MESP1: variants seen among roughly 807,000 people sequenced by gnomAD.
The protein encoded by MESP1 is mesoderm posterior protein 1.
Under a neutral mutation model 15.2 loss-of-function variants are expected in MESP1, and 22 were observed. That is an observed-to-expected ratio of 1.45 (90% CI 1.04 to 2.07). The LOEUF (loss-of-function observed/expected upper bound fraction) is 2.07. MESP1 is among the 30% of genes most tolerant of loss of function. The probability of loss-of-function intolerance (pLI) is 0.00; values close to 1 mark genes in which losing one functional copy is unlikely to be tolerated. For missense variants in MESP1, 484 were observed against 411.9 expected (o/e 1.17, Z -1.51); for synonymous variants, 216 against 192.6 (o/e 1.12, Z -1.01).
chr15:89,742,050 C>A, the MESP1 span, among the ~76,000 whole-genome samples: 1 of 152,132 alleles, frequency 6.6e-6, no homozygotes. Context: ...CACACCCGGC[C>A]TCCAATACAT....
the MESP1 span, among the ~76,000 whole-genome samples, chr15:89,736,793 CTTTTT>C: frequency 7.7e-6 from 1 of 130,536 alleles, no homozygotes; most frequent in African/African-American, 2.8e-5. Flanking sequence ...TCAAAGGGGG[CTTTTT>C]TTTTTTTTTT....
the MESP1 span, chr15:89,735,479 C>T: frequency 1.2e-6 from 2 of 1,613,624 alleles, no homozygotes; most frequent in Admixed American, 1.7e-5. Flanking sequence ...TGTATATTTT[C>T]TGTCCTATAG....
At chr15:89,746,578 CGCAA>C (rs1967961553), downstream of MESP1, among the ~76,000 whole-genome samples, 1 of 148,434 alleles carries the variant, frequency 6.7e-6, no homozygotes, top group African/African-American at 2.5e-5. Context: ...GCCCTGCCTC[CGCAA>C]ACACACGCAG....
In MESP1 at chr15:89,751,029, G is replaced by A; in HGVS notation, c.203C>T (p.Ser68Phe). 1 of 1,352,454 alleles carries A rather than the reference G, an allele frequency of 7.4e-7. No homozygotes were observed. The highest frequency in any genetic ancestry group is 9.4e-7 in the Non-Finnish European group (1 of 1,060,636). 83.8% of individuals were successfully genotyped at this position (1,352,454 alleles called of 1,614,324 possible). ...PGTLRDPRAP[S>F]VGRRGARSSR... The stretch of plus-strand genomic sequence containing the variant: ...GCTGCGCGCGCCGCGCCTACCTACG[G>A]AGGGGGCGCGGGGGTCCCGGAGGGT... The change falls in exon 1 of 2, where the codon TCC becomes TTC. Residue 68 changes from serine (S) to phenylalanine (F), a missense_variant. Transcript: ENST00000300057.
chr15:89,733,233 G>T, the MESP1 span: 1 of 1,604,940 alleles, frequency 6.2e-7, no homozygotes, highest in South Asian at 1.1e-5. Flanking sequence ...AGTAGCTTGA[G>T]GGTGGGACGG....
the MESP1 span, among the ~76,000 whole-genome samples, chr15:89,741,138 TC>T: frequency 7.1e-6 from 1 of 140,430 alleles, no homozygotes; most frequent in African/African-American, 2.8e-5. Flanking sequence ...AGAATCTGTC[TC>T]AAAAAAAATA....
the MESP1 span, among the ~76,000 whole-genome samples, chr15:89,732,574 T>C: frequency 6.6e-6 from 1 of 152,000 alleles, no homozygotes; most frequent in Non-Finnish European, 1.5e-5. Flanking sequence ...CAAAATAGCT[T>C]GTTTTCATTT....
the MESP1 span, among the ~76,000 whole-genome samples, chr15:89,736,093 TGTGTG>T: frequency 4.6e-5 from 7 of 152,166 alleles, no homozygotes; most frequent in African/African-American, 1.7e-4. Flanking sequence ...GATGTGTCCC[TGTGTG>T]GGATGGGGCT....
chr15:89,749,403 T>A (rs1968036909), downstream of MESP1: 1 of 152,120 alleles, frequency 6.6e-6, no homozygotes, highest in African/African-American at 2.4e-5. Flanking sequence ...AAATAACCCC[T>A]TGGAGCTGTT....
In MESP1 at chr15:89,751,096, T is replaced by A; in HGVS notation, c.136A>T (p.Thr46Ser). The A allele has an allele frequency of 7.6e-7, 1 of 1,313,608 alleles. No homozygotes were observed. 81.4% of individuals were successfully genotyped at this position (1,313,608 alleles called of 1,614,324 possible). A position where few individuals can be genotyped will look rare whatever the true frequency, so the allele number is the denominator to read the frequency against. Residue 46 changes from threonine to serine, a missense_variant, in exon 1 of 2, where the codon ACC becomes TCC. Thr to Ser is a moderately conservative substitution (Grantham distance 58). Transcript: ENST00000300057. ...LVSSPDSWGS[T>S]PADSPVASPA... ...CTCGCCACGGGGCTGTCGGCTGGGGTGCTGCCCCATGAGTCTGGGGACGAG... is the reference window on the plus strand; with the variant it reads ...CTCGCCACGGGGCTGTCGGCTGGGGAGCTGCCCCATGAGTCTGGGGACGAG...
the MESP1 span, among the ~76,000 whole-genome samples, chr15:89,744,646 A>T: frequency 6.6e-6 from 1 of 152,236 alleles, no homozygotes; most frequent in East Asian, 1.9e-4. Flanking sequence ...GCCTGTGTCC[A>T]GTCCCCGTGG....
rs1187063163 is a variant in MESP1, at chr15:89,750,405, G to A, written c.723+104C>T. On this transcript the variant is annotated intron_variant, in intron 1 of 1. Coordinates refer to ENST00000300057, the MANE Select transcript of MESP1 (RefSeq NM_018670.4). ...GCATACTATGGTGGCCAGGTGGCCA[G>A]GCTGCCGGCGGGGAGCAGCAGGGTG... 4 of 1,454,710 alleles carry A rather than the reference G, an allele frequency of 2.7e-6. No homozygotes were observed. The African/African-American group carries it at 4.2e-5, about 15-fold the overall frequency. 90.1% of individuals were successfully genotyped at this position (1,454,710 alleles called of 1,614,324 possible). A position where few individuals can be genotyped will look rare whatever the true frequency, so the allele number is the denominator to read the frequency against.
chr15:89,735,011 T>C, the MESP1 span, among the ~76,000 whole-genome samples: 17 of 151,702 alleles, frequency 1.1e-4, no homozygotes, highest in Non-Finnish European at 5.9e-5. Context: ...CTTCCTTCTT[T>C]CCTTCCGTGC....
At chr15:89,738,313 T>G in the MESP1 span, 1 of 1,457,564 alleles carries the variant, frequency 6.9e-7, no homozygotes, top group African/African-American at 1.4e-5. Flanking sequence ...GTTTCTTTCA[T>G]GGTAAATCCT....
At chr15:89,738,640 A>G in the MESP1 span, among the ~76,000 whole-genome samples, 1 of 151,716 alleles carries the variant, frequency 6.6e-6, no homozygotes, top group African/African-American at 2.4e-5. Flanking sequence ...AAAAAAAAAA[A>G]AAAAAGAAAT....
downstream of MESP1, among the ~76,000 whole-genome samples, chr15:89,746,933 C>CCACACA (rs56364935): frequency 4.6e-4 from 49 of 106,638 alleles, no homozygotes; most frequent in African/African-American, 8.2e-4. Flanking sequence ...AGCCCCACCT[C>CCACACA]CACACACACA....
Position 89,749,925 on chromosome 15 carries a change from C to T in MESP1, c.*219G>A, listed in dbSNP as rs1263907133. 1.8e-6 allele frequency: 1 copy of T among 569,958 alleles called. No individual in the cohort carries two copies. The highest frequency in any genetic ancestry group is 3.2e-6 in the Non-Finnish European group (1 of 315,500). 35.3% of individuals were successfully genotyped at this position (569,958 alleles called of 1,614,324 possible). The stretch of plus-strand genomic sequence containing the variant: ...ATAAATAAATTCACATTAGGCAGAG[C>T]CTCCTGCTTGCCTCAAAGTGTCTAG... On this transcript the variant is annotated 3_prime_UTR_variant, in exon 2 of 2. Coordinates refer to ENST00000300057, the MANE Select transcript of MESP1 (RefSeq NM_018670.4).
the MESP1 span, chr15:89,738,077 C>T: frequency 6.2e-7 from 1 of 1,613,634 alleles, no homozygotes; most frequent in Non-Finnish European, 8.5e-7. Context: ...ACCGACGATG[C>T]TGGAATCCAA....
At chr15:89,742,555 T>C in the MESP1 span, among the ~76,000 whole-genome samples, 1 of 151,960 alleles carries the variant, frequency 6.6e-6, no homozygotes, top group Non-Finnish European at 1.5e-5. Flanking sequence ...TCTTTTGAGA[T>C]GGAATTTTGC....
Sources: allele counts gnomAD v4.1 joint callset (sites outside exome capture counted in the v4.1 genomes callset), GRCh38; gene constraint gnomAD v4.1.1; transcripts MANE v1.5; gene names NCBI Gene and HGNC (gene_info 2026-07-23, HGNC 2026-07-21).